Variants in LHPP observed in about 807,000 individuals in gnomAD.
LHPP encodes the protein hLHPP.
Under a neutral mutation model 30.3 loss-of-function variants are expected in LHPP, and 24 were observed. That is an observed-to-expected ratio of 0.79 (90% confidence interval 0.57 to 1.11). The LOEUF is 1.11. LHPP is among the 50% of genes most tolerant of loss of function. LHPP has a pLI of 0.00. For missense variants in LHPP, 356 were observed against 367.2 expected (o/e 0.97, Z 0.25); for synonymous variants, 150 against 157.1 (o/e 0.95, Z 0.34).
At chr10:124,493,976 C>T (rs1953621007) in intron 3 of LHPP, 1 of 152,142 alleles carries the variant, frequency 6.6e-6, no homozygotes, top group South Asian at 2.1e-4. Context: ...AAATTCTGGG[C>T]ACTATAAAAT....
intron 5 of LHPP, among the ~76,000 whole-genome samples, chr10:124,508,492 T>G (rs1954219017): frequency 6.6e-6 from 1 of 152,172 alleles, no homozygotes; most frequent in East Asian, 1.9e-4. Context: ...TTGCAGGAGC[T>G]TCCGGCCCTG....
chr10:124,570,704 A>G lies in LHPP; in HGVS notation c.717-42560A>G, dbSNP rs77591439. Among the ~76,000 whole-genome samples, 632 of 152,304 alleles carry G rather than the reference A, an allele frequency of 4.1e-3. 4 individuals are homozygous for G. The highest frequency in any genetic ancestry group is 0.015 in the African/African-American group (617 of 41,546). ...TTCGCCCGCTCTGGGCATTTCATGTAAATGGAATCAGACGATACATGGTCT... is the reference window on the plus strand; with the variant it reads ...TTCGCCCGCTCTGGGCATTTCATGTGAATGGAATCAGACGATACATGGTCT... On this transcript the variant is annotated intron_variant, in intron 6 of 6. Coordinates refer to ENST00000368842, the MANE Select transcript of LHPP (RefSeq NM_022126.4).
chr10:124,584,647 A>G (rs1948780049), intron 6 of LHPP, among the ~76,000 whole-genome samples: 1 of 152,178 alleles, frequency 6.6e-6, no homozygotes, highest in Non-Finnish European at 1.5e-5. Context: ...TCGAAATACT[A>G]TCACGTTGCT....
chr10:124,584,699 C>A (rs1234116667), intron 6 of LHPP, among the ~76,000 whole-genome samples: 1 of 152,138 alleles, frequency 6.6e-6, no homozygotes. Context: ...ACATTCAGAC[C>A]GTAGCAGGGA....
In LHPP at chr10:124,472,202, A is replaced by G. The variant is rs367849075; in HGVS notation, c.125+10215A>G. Among the ~76,000 whole-genome samples, 231 of 151,962 alleles carry G rather than the reference A, an allele frequency of 1.5e-3. 4 individuals are homozygous for G. In the South Asian group the frequency reaches 0.041, roughly 27 times the overall value. ...GTGTTGTGCGCCTGTAATCCTAGCTACTTGGGAGGCTGAGGCGTGAGAATT... is the reference window on the plus strand; with the variant it reads ...GTGTTGTGCGCCTGTAATCCTAGCTGCTTGGGAGGCTGAGGCGTGAGAATT... On this transcript the variant is annotated intron_variant, in intron 1 of 6. Coordinates refer to ENST00000368842, the MANE Select transcript of LHPP (RefSeq NM_022126.4).
intron 1 of LHPP, among the ~76,000 whole-genome samples, chr10:124,476,137 G>A (rs1441652802): frequency 2.6e-5 from 4 of 152,000 alleles, no homozygotes; most frequent in Non-Finnish European, 5.9e-5. Context: ...GCTGGGGGCC[G>A]GCCCCAGCTT....
intron 6 of LHPP, among the ~76,000 whole-genome samples, chr10:124,604,198 C>T (rs554698640): frequency 7.2e-5 from 11 of 152,294 alleles, no homozygotes; most frequent in Non-Finnish European, 1.2e-4. Context: ...ACCCAGGGGA[C>T]GGAGGTCGGA....
chr10:124,537,476 C>T (rs536410177), intron 6 of LHPP, among the ~76,000 whole-genome samples: 5 of 152,330 alleles, frequency 3.3e-5, no homozygotes, highest in African/African-American at 9.6e-5. Flanking sequence ...CTGGCCCCAT[C>T]GAAGGCTGGT....
intron 6 of LHPP, among the ~76,000 whole-genome samples, chr10:124,542,839 C>T (rs1227138345): frequency 2.6e-5 from 4 of 152,208 alleles, no homozygotes; most frequent in Admixed American, 2.0e-4. Context: ...ACGCGCCTGC[C>T]TGCCTTTCAT....
chr10:124,579,277 C>T (rs1948714672), intron 6 of LHPP, among the ~76,000 whole-genome samples: 1 of 152,240 alleles, frequency 6.6e-6, no homozygotes, highest in African/African-American at 2.4e-5. Context: ...GGGAGGCAGT[C>T]AACTCTGGGG....
chr10:124,574,388 G>A (rs1047920767), intron 6 of LHPP, among the ~76,000 whole-genome samples: 4 of 152,150 alleles, frequency 2.6e-5, no homozygotes, highest in African/African-American at 4.8e-5. Context: ...AGGGGCCCTC[G>A]GCATAGTCCC....
intron 5 of LHPP, among the ~76,000 whole-genome samples, chr10:124,499,707 GCCT>G (rs1210576686): frequency 6.6e-6 from 1 of 151,916 alleles, no homozygotes; most frequent in Non-Finnish European, 1.5e-5. Context: ...CTGTCCTGCT[GCCT>G]CCTCAGAAGT....
At chr10:124,507,810 G>A (rs1305629577) in intron 5 of LHPP, among the ~76,000 whole-genome samples, 1 of 97,886 alleles carries the variant, frequency 1.0e-5, no homozygotes, top group Admixed American at 9.5e-5. Context: ...GGGGTAGGGA[G>A]GATTTCAGGT....
intron 6 of LHPP, among the ~76,000 whole-genome samples, chr10:124,570,857 GATCTGTT>G (rs949517456): frequency 8.5e-5 from 13 of 152,300 alleles, no homozygotes; most frequent in Admixed American, 2.6e-4. Flanking sequence ...ACATTTTGTT[GATCTGTT>G]ATCAGCTGAT....
chr10:124,566,137 G>A (rs1031473942), intron 6 of LHPP, among the ~76,000 whole-genome samples: 2 of 152,224 alleles, frequency 1.3e-5, no homozygotes, highest in African/African-American at 4.8e-5. Flanking sequence ...GGTGGTTCCA[G>A]CCCAGCCTGG....
intron 6 of LHPP, among the ~76,000 whole-genome samples, chr10:124,582,186 T>C (rs1328880669): frequency 2.0e-5 from 3 of 152,170 alleles, no homozygotes; most frequent in Non-Finnish European, 4.4e-5. Flanking sequence ...GCTCAAACCA[T>C]CCTTCTGCCT....
intron 6 of LHPP, among the ~76,000 whole-genome samples, chr10:124,582,477 A>G (rs1392704882): frequency 6.6e-6 from 1 of 152,238 alleles, no homozygotes; most frequent in African/African-American, 2.4e-5. Flanking sequence ...TTTATCAAAT[A>G]TATGATTTAC....
intron 6 of LHPP, among the ~76,000 whole-genome samples, chr10:124,587,118 G>A (rs1231631392): frequency 6.8e-6 from 1 of 147,364 alleles, no homozygotes; most frequent in African/African-American, 2.5e-5. Flanking sequence ...TAAAACCTCC[G>A]TCTCCCGGGT....
Position 124,488,585 on chromosome 10 carries a change from C to T in LHPP, c.467+10C>T. 5 of 1,600,476 alleles carry T rather than the reference C, an allele frequency of 3.1e-6. No homozygotes were observed. The highest frequency in any genetic ancestry group is 4.3e-6 in the Non-Finnish European group (5 of 1,175,584). On this transcript the variant is annotated intron_variant, in intron 3 of 6. Transcript: ENST00000368842. ...TATCACTGGGAAAAGGGTAAGTTGG[C>T]TCCAGGGAGAGTCATTTCTCGGTGC...
Sources: allele counts gnomAD v4.1 joint callset (sites outside exome capture counted in the v4.1 genomes callset), GRCh38; gene constraint gnomAD v4.1.1; transcripts MANE v1.5; gene names NCBI Gene and HGNC (gene_info 2026-07-23, HGNC 2026-07-21).